The following TUBA4B variants were observed in gnomAD, a reference collection of about 807,000 sequenced individuals.
TUBA4B encodes tubulin-like protein alpha-4B.
TUBA4B carries 13 observed loss-of-function variants against 18.4 expected under a neutral mutation model. That is an observed-to-expected ratio of 0.71 (90% confidence interval 0.46 to 1.12). TUBA4B has a LOEUF of 1.12. Ranked by LOEUF, TUBA4B falls within the 50% of genes most tolerant of loss-of-function variation. The pLI is 0.00. For synonymous variants in TUBA4B, 101 were observed against 99.1 expected, an observed-to-expected ratio of 1.02 and a Z score of -0.11; for missense variants, 244 against 250.0, an observed-to-expected ratio of 0.98 and a Z score of 0.16.
At chr2:219,261,852 T>C (rs890875889) in intron 1 of TUBA4B, among the ~76,000 whole-genome samples, 1 of 152,208 alleles carries the variant, frequency 6.6e-6, no homozygotes, top group Admixed American at 6.5e-5. Flanking sequence ...CCCCTCCACC[T>C]CTATGATCTC....
chr2:219,264,431 G>C (rs1951777578), intron 1 of TUBA4B, among the ~76,000 whole-genome samples: 1 of 149,382 alleles, frequency 6.7e-6, no homozygotes, highest in Admixed American at 6.7e-5. Context: ...CTGCACTCCA[G>C]CCTGGGTGAC....
At chr2:219,270,078 G>C (rs934729713) in intron 2 of TUBA4B, 124 bp from the exon 3 acceptor site, 2 of 626,504 alleles carry the variant, frequency 3.2e-6, no homozygotes, top group Non-Finnish European at 5.7e-6. Context: ...AATAGCAGCA[G>C]CCTGAATGCA....
chr2:219,259,177 G>A (rs1951743765), intron 1 of TUBA4B, among the ~76,000 whole-genome samples: 1 of 150,128 alleles, frequency 6.7e-6, no homozygotes, highest in South Asian at 2.1e-4. Flanking sequence ...TAAATTATCC[G>A]GGCATGGTGG....
At chr2:219,262,260 G>C (rs908877208) in intron 1 of TUBA4B, among the ~76,000 whole-genome samples, 2 of 152,234 alleles carry the variant, frequency 1.3e-5, no homozygotes, top group African/African-American at 2.4e-5. Context: ...GCAGTGAGCT[G>C]AGATCGTGCC....
At chr2:219,266,390 C>T in intron 1 of TUBA4B, 131 bp from the exon 2 acceptor site, 2 of 612,504 alleles carry the variant, frequency 3.3e-6, no homozygotes, top group Non-Finnish European at 5.9e-6. Context: ...GTGACCAAGT[C>T]AACAGGCCCT....
intron 1 of TUBA4B, chr2:219,254,105 G>A: frequency 2.4e-6 from 1 of 414,192 alleles, no homozygotes. Flanking sequence ...CTGTCCCGCT[G>A]GGATTAAGAG....
chr2:219,271,093 A>G, intron 3 of TUBA4B, 73 bp from the exon 4 acceptor site: 2 of 631,692 alleles, frequency 3.2e-6, no homozygotes, highest in South Asian at 3.8e-5. Context: ...AATTTAAAAC[A>G]GCACAAGTTG....
intron 1 of TUBA4B, among the ~76,000 whole-genome samples, chr2:219,254,810 T>C (rs1951703556): frequency 6.6e-6 from 1 of 152,198 alleles, no homozygotes; most frequent in Non-Finnish European, 1.5e-5. Flanking sequence ...AGTGGAAACA[T>C]TGTTGTAAGC....
chr2:219,257,828 T>C (rs1371547326), intron 1 of TUBA4B, among the ~76,000 whole-genome samples: 1 of 150,668 alleles, frequency 6.6e-6, no homozygotes, highest in Non-Finnish European at 1.5e-5. Flanking sequence ...AAAAAAAATA[T>C]ATATATACAC....
At chr2:219,253,878 T>C in intron 1 of TUBA4B, 1 of 1,441,734 alleles carries the variant, frequency 6.9e-7, no homozygotes, top group African/African-American at 1.5e-5. Flanking sequence ...GGGCGGTGCG[T>C]CTCACGTTGA....
chr2:219,262,116 C>T (rs1951763057), intron 1 of TUBA4B, among the ~76,000 whole-genome samples: 1 of 152,164 alleles, frequency 6.6e-6, no homozygotes. Flanking sequence ...TCGAGACCAT[C>T]CTGGTTAACA....
chr2:219,265,524 C>A (rs1305596004), intron 1 of TUBA4B, among the ~76,000 whole-genome samples: 1 of 152,162 alleles, frequency 6.6e-6, no homozygotes, highest in African/African-American at 2.4e-5. Context: ...GTAATCCCAG[C>A]TACTCAGGAG....
rs376421850 is a variant in TUBA4B, at chr2:219,271,477, C to A, written c.504C>A (p.Arg168=). 1.2e-6 allele frequency: 2 copies of A among 1,614,080 alleles called. No homozygotes were observed. Among genetic ancestry groups the A allele is most frequent in the East Asian group, 4.5e-5 (2 of 44,896 alleles). ...GCCCAACCTACACCAACCTCAATCG[C>A]CTCATTAGCCAAATTGTCTCCTCCA... is the stretch of plus-strand genomic sequence containing the variant. The part of the protein sequence containing the change: ...IERPTYTNLN[R]LISQIVSSIT... Residue 168 remains arginine, a synonymous_variant, in exon 4 of 4, where the codon CGC becomes CGA. Transcript: ENST00000490341.
chr2:219,268,295 A>C (rs979744427), intron 2 of TUBA4B, among the ~76,000 whole-genome samples: 1 of 151,906 alleles, frequency 6.6e-6, no homozygotes, highest in Non-Finnish European at 1.5e-5. Flanking sequence ...GGGTTTCACC[A>C]TGTTGGTCAG....
chr2:219,265,896 C>T (rs1264474669), intron 1 of TUBA4B, among the ~76,000 whole-genome samples: 4 of 152,082 alleles, frequency 2.6e-5, no homozygotes, highest in East Asian at 1.9e-4. Flanking sequence ...GTTAGTACCT[C>T]GTAATACTAC....
At chr2:219,263,434 A>G (rs545622605) in intron 1 of TUBA4B, among the ~76,000 whole-genome samples, 2 of 152,354 alleles carry the variant, frequency 1.3e-5, no homozygotes, top group Admixed American at 6.5e-5. Context: ...AGGAGGTTAC[A>G]GTGAGCCAAG....
At chr2:219,264,766 G>A (rs1331844411) in intron 1 of TUBA4B, among the ~76,000 whole-genome samples, 1 of 152,116 alleles carries the variant, frequency 6.6e-6, no homozygotes, top group East Asian at 1.9e-4. Context: ...GTGTTTTTCT[G>A]GAACCTTCTC....
intron 1 of TUBA4B, chr2:219,253,988 T>G: frequency 3.0e-6 from 3 of 1,009,994 alleles, no homozygotes; most frequent in East Asian, 3.3e-5. Context: ...GCTCGCCCAC[T>G]AGAGGCTGGG....
At chr2:219,269,451 G>C (rs1951811826) in intron 2 of TUBA4B, among the ~76,000 whole-genome samples, 1 of 152,194 alleles carries the variant, frequency 6.6e-6, no homozygotes, top group African/African-American at 2.4e-5. Context: ...GCCGATGCCT[G>C]TTGCTCCTCA....
Sources: gnomAD v4.1 joint callset for allele counts (sites outside exome capture counted in the v4.1 genomes callset) on GRCh38, gnomAD v4.1.1 for gene constraint, MANE v1.5 for transcripts, NCBI Gene and HGNC (gene_info 2026-07-23, HGNC 2026-07-21) for gene names.